The following VWA8 variants were observed in gnomAD, a reference collection of about 807,000 sequenced individuals.
The protein encoded by VWA8 is von Willebrand factor A domain-containing protein 8.
A neutral mutation model predicts 241.5 loss-of-function variants in VWA8; 221 were observed. The observed-to-expected ratio is 0.91, with a 90% CI of 0.82 to 1.02. The LOEUF (loss-of-function observed/expected upper bound fraction) is 1.02. Among genes scored for constraint, VWA8 ranks in the 50% least tolerant of loss-of-function variants. The pLI, the probability that VWA8 is intolerant of heterozygous loss-of-function variation, is 0.00. For missense variants in VWA8, 2,322 were observed against 2,328.7 expected (o/e 1.00, Z 0.06); for synonymous variants, 852 against 827.1 (o/e 1.03, Z -0.52).
At position 41,575,800 on chromosome 13, in the gene VWA8, A is replaced by G. The variant is rs1040337707; in HGVS notation, c.5310T>C (p.Ile1770=). The change falls in exon 43 of 45, where the codon ATT becomes ATC. Residue 1770 remains isoleucine, a synonymous_variant. Transcript: ENST00000379310. The stretch of plus-strand genomic sequence containing the variant: ...GGATTTTGTTCATTGGAACCAGACC[A>G]ATGTTGTAGCCATCTCCAGAGTGTC... The part of the protein sequence containing the change: ...IVGHSGDGYN[I]GLVPMNKIPK... 1 of 1,613,472 alleles carries G rather than the reference A, an allele frequency of 6.2e-7. No individual in the cohort carries two copies. Among genetic ancestry groups the G allele is most frequent in the African/African-American group, 1.3e-5 (1 of 75,040 alleles).
rs757475673 is a variant in VWA8 at position 41,865,732 on chromosome 13, G to C, written c.1425+4C>G. 5.6e-6 allele frequency: 9 copies of C among 1,613,198 alleles called. No individual in the cohort carries two copies. Among genetic ancestry groups the C allele is most frequent in the Middle Eastern group, 3.6e-4 (2 of 5,486 alleles). ...CCAAGTGCAGCTAAAAATGAACACT[G>C]TACCTGATAGAGCATAATAGGTTCT... On this transcript the variant is annotated splice_donor_region_variant and intron_variant, in intron 12 of 44. Coordinates refer to ENST00000379310, the MANE Select transcript of VWA8 (RefSeq NM_015058.2).
At chr13:41,585,879 A>AT (rs71200182) in intron 42 of VWA8, among the ~76,000 whole-genome samples, 2 of 148,742 alleles carry the variant, frequency 1.3e-5, no homozygotes, top group Non-Finnish European at 3.0e-5. Flanking sequence ...AAAAAAAAAA[A>AT]GAAAAAGAAA....
chr13:41,727,205 A>G lies in VWA8; in HGVS notation c.2747T>C (p.Phe916Ser). The G allele has an allele frequency of 6.5e-7, 1 of 1,545,900 alleles. No individual in the cohort carries two copies. Among genetic ancestry groups the G allele is most frequent in the Non-Finnish European group, 8.7e-7 (1 of 1,145,400 alleles). Residue 916 changes from phenylalanine (F) to serine (S), a missense_variant, in exon 24 of 45, where the codon TTC (phenylalanine) becomes TCC (serine). Phe to Ser is a radical substitution (Grantham distance 155). Transcript: ENST00000379310. ...PGFPFLGNDF[F>S]GTLGDIFSCH... ...ATTACTGTTTTTACCTAAGGTACCG[A>G]AGAAATCATTGCCTAGGAAAGGAAA...
At chr13:41,569,905 C>T (rs973664027) in intron 44 of VWA8, among the ~76,000 whole-genome samples, 80 of 151,980 alleles carry the variant, frequency 5.3e-4, no homozygotes, top group African/African-American at 1.6e-3. Context: ...CTTATGTTGT[C>T]GCCAAGTGTT....
intron 1 of VWA8, among the ~76,000 whole-genome samples, chr13:41,950,615 G>A (rs955493953): frequency 1.3e-5 from 2 of 149,202 alleles, no homozygotes; most frequent in African/African-American, 5.0e-5. Flanking sequence ...TGATCTGCCC[G>A]CCTTGGCCTC....
At chr13:41,824,056 C>T (rs548896607) in intron 14 of VWA8, among the ~76,000 whole-genome samples, 1 of 152,310 alleles carries the variant, frequency 6.6e-6, no homozygotes, top group South Asian at 2.1e-4. Context: ...TTACCCTTAC[C>T]TGAGTTTCCT....
Position 41,690,213 on chromosome 13 carries a change from T to C in VWA8, c.3929A>G (p.Tyr1310Cys), listed in dbSNP as rs1397295902. The change falls in exon 33 of 45, where the codon TAT becomes TGT. Residue 1310 changes from tyrosine (Y) to cysteine (C), a missense_variant. Coordinates refer to ENST00000379310, the MANE Select transcript of VWA8 (RefSeq NM_015058.2). ...GCTGGGCGGCTCCTCTTTCAGCACA[T>C]ACAACTGGCAAACCCCACTACCCTC... is the stretch of plus-strand genomic sequence containing the variant. ...ESEGSGVCQLYVLKEEPPSTG... is the reference protein window; with the variant it reads ...ESEGSGVCQLCVLKEEPPSTG... The C allele has an allele frequency of 1.2e-6, 2 of 1,612,644 alleles. No homozygotes were observed. Among genetic ancestry groups the C allele is most frequent in the African/African-American group, 1.3e-5 (1 of 74,846 alleles).
chr13:41,649,052 G>T (rs1048611758), intron 37 of VWA8, among the ~76,000 whole-genome samples: 6 of 152,036 alleles, frequency 3.9e-5, no homozygotes, highest in African/African-American at 1.4e-4. Flanking sequence ...GGCGTGGTGG[G>T]GGGGTGCCTG....
At chr13:41,848,406 T>A (rs1362083717) in intron 12 of VWA8, among the ~76,000 whole-genome samples, 1 of 152,184 alleles carries the variant, frequency 6.6e-6, no homozygotes, top group Non-Finnish European at 1.5e-5. Flanking sequence ...CTTGGCTGTG[T>A]CCCCACCCAA....
At chr13:41,772,145 C>T (rs889145470) in intron 20 of VWA8, among the ~76,000 whole-genome samples, 3 of 152,196 alleles carry the variant, frequency 2.0e-5, no homozygotes, top group Non-Finnish European at 2.9e-5. Context: ...CCGCCTCGGC[C>T]TCCCAAAGTG....
chr13:41,729,748 G>T (rs935076894), intron 22 of VWA8, 71 bp from the exon 23 acceptor site: 2 of 1,486,492 alleles, frequency 1.3e-6, no homozygotes, highest in African/African-American at 1.4e-5. Flanking sequence ...ATTACTTACT[G>T]CTTTGGACTT....
At chr13:41,713,632 T>C (rs2045331744) in intron 26 of VWA8, among the ~76,000 whole-genome samples, 1 of 152,188 alleles carries the variant, frequency 6.6e-6, no homozygotes, top group African/African-American at 2.4e-5. Flanking sequence ...ACAGTTATTT[T>C]TAGATGTGCA....
intron 2 of VWA8, among the ~76,000 whole-genome samples, chr13:41,933,907 AT>A (rs1248469592): frequency 1.3e-5 from 2 of 151,992 alleles, no homozygotes; most frequent in Non-Finnish European, 2.9e-5. Flanking sequence ...GTTAACAAAG[AT>A]TTTTTAGGAT....
In VWA8 at chr13:41,833,391, G is replaced by A. The variant is rs1593803046; in HGVS notation, c.1566C>T (p.Gly522=). 3 of 1,612,960 alleles carry A rather than the reference G, an allele frequency of 1.9e-6. No homozygotes were observed. Among genetic ancestry groups the A allele is most frequent in the Non-Finnish European group, 2.5e-6 (3 of 1,179,468 alleles). Residue 522 remains glycine (G), a synonymous_variant, in exon 13 of 45, where the codon GGC becomes GGT. Transcript: ENST00000379310. ...CCCACCTTTGCAATACAGCAAGCGT[G>A]CCCGCATTCACCCGGTGAATGCCAT... is the stretch of plus-strand genomic sequence containing the variant. ...LLDGIHRVNA[G]TLAVLQRLIH... is the part of the protein sequence containing the mutation.
chr13:41,905,100 T>C (rs972964021), intron 4 of VWA8: 1 of 152,124 alleles, frequency 6.6e-6, no homozygotes, highest in African/African-American at 2.4e-5. Flanking sequence ...TTCAAATTCA[T>C]ATTTCAAAAG....
intron 22 of VWA8, among the ~76,000 whole-genome samples, chr13:41,730,054 G>C (rs536534100): frequency 1.3e-5 from 2 of 152,158 alleles, no homozygotes; most frequent in Non-Finnish European, 2.9e-5. Context: ...TATGAGGAGT[G>C]AGACATCACA....
At chr13:41,887,752 AATAG>A (rs1272179089) in intron 5 of VWA8, among the ~76,000 whole-genome samples, 3 of 152,238 alleles carry the variant, frequency 2.0e-5, no homozygotes, top group Non-Finnish European at 4.4e-5. Flanking sequence ...GTGGACCTTA[AATAG>A]ATAATTATGT....
intron 3 of VWA8, among the ~76,000 whole-genome samples, chr13:41,908,876 G>A (rs1403878997): frequency 6.6e-6 from 1 of 152,096 alleles, no homozygotes; most frequent in Non-Finnish European, 1.5e-5. Context: ...AAGTATAATG[G>A]AAAATGGGAA....
intron 42 of VWA8, among the ~76,000 whole-genome samples, chr13:41,583,558 G>A (rs1263762528): frequency 1.3e-5 from 2 of 149,958 alleles, no homozygotes; most frequent in Non-Finnish European, 3.0e-5. Flanking sequence ...CAGAAGAATC[G>A]CTTGAACCTG....
Sources: gnomAD v4.1 joint callset for allele counts (sites outside exome capture counted in the v4.1 genomes callset) on GRCh38, gnomAD v4.1.1 for gene constraint, MANE v1.5 for transcripts, NCBI Gene and HGNC (gene_info 2026-07-23, HGNC 2026-07-21) for gene names.